ZFYVE9: variants seen among roughly 807,000 people sequenced by gnomAD.
The protein encoded by ZFYVE9 is zinc finger FYVE domain-containing protein 9.
In ZFYVE9, 43 loss-of-function variants were observed where a neutral mutation model predicts 126.7. The observed-to-expected ratio is 0.34, with a 90% CI of 0.27 to 0.44. ZFYVE9 has a LOEUF of 0.44. Among genes scored for constraint, ZFYVE9 ranks in the 20% least tolerant of loss-of-function variants. The pLI, the probability that ZFYVE9 is intolerant of heterozygous loss-of-function variation, is 1.00. For missense variants in ZFYVE9, 1,476 were observed against 1,697.0 expected (o/e 0.87, Z 2.29); for synonymous variants, 521 against 597.4 (o/e 0.87, Z 1.87).
At chr1:52,206,483 T>C (rs191798557) in intron 1 of ZFYVE9, among the ~76,000 whole-genome samples, 203 of 152,350 alleles carry the variant, frequency 1.3e-3, no homozygotes, top group Non-Finnish European at 2.3e-3. Context: ...TATACCACTT[T>C]AGTTTCTCCA....
chr1:52,255,942 T>C, intron 4 of ZFYVE9, among the ~76,000 whole-genome samples: 1 of 125,548 alleles, frequency 8.0e-6, no homozygotes, highest in African/African-American at 4.1e-5. Flanking sequence ...TCTTTTCTTT[T>C]CTTTTCTTTT....
At chr1:52,228,993 G>T (rs1022863674) in intron 2 of ZFYVE9, among the ~76,000 whole-genome samples, 2 of 151,618 alleles carry the variant, frequency 1.3e-5, no homozygotes, top group African/African-American at 2.4e-5. Context: ...GGGCTTAAGC[G>T]ATTCTCCTAC....
chr1:52,284,515 G>T (rs1645835426), intron 10 of ZFYVE9, among the ~76,000 whole-genome samples: 1 of 151,952 alleles, frequency 6.6e-6, no homozygotes, highest in African/African-American at 2.4e-5. Flanking sequence ...CACCTCCCAG[G>T]TTCACGCCAT....
chr1:52,276,434 T>C (rs943230762), intron 8 of ZFYVE9, among the ~76,000 whole-genome samples: 1 of 152,248 alleles, frequency 6.6e-6, no homozygotes, highest in East Asian at 1.9e-4. Context: ...CGTTCCATTC[T>C]AGCTGTGTGA....
At chr1:52,344,688 G>A in intron 17 of ZFYVE9, 80 bp from the exon 18 acceptor site, 2 of 1,411,740 alleles carry the variant, frequency 1.4e-6, no homozygotes, top group South Asian at 1.3e-5. Context: ...GGAGAATCAG[G>A]GTGCTCATAT....
intron 13 of ZFYVE9, among the ~76,000 whole-genome samples, chr1:52,305,622 T>C (rs992505675): frequency 6.6e-6 from 1 of 151,788 alleles, no homozygotes; most frequent in South Asian, 2.1e-4. Flanking sequence ...CCCTTCCGAG[T>C]TGGTGGGGTG....
intron 2 of ZFYVE9, among the ~76,000 whole-genome samples, chr1:52,224,119 G>C (rs187100606): frequency 7.9e-5 from 12 of 152,190 alleles, no homozygotes; most frequent in Non-Finnish European, 1.3e-4. Flanking sequence ...AGGGAAAAAG[G>C]GTTGGGGTAG....
intron 13 of ZFYVE9, among the ~76,000 whole-genome samples, chr1:52,306,106 G>C (rs1026354756): frequency 3.9e-5 from 6 of 152,168 alleles, no homozygotes; most frequent in East Asian, 1.9e-4. Context: ...TGAAGGCTGG[G>C]GGGCCAGGCC....
At chr1:52,285,757 G>A (rs747384345) in intron 10 of ZFYVE9, among the ~76,000 whole-genome samples, 3 of 152,052 alleles carry the variant, frequency 2.0e-5, no homozygotes, top group Admixed American at 6.6e-5. Flanking sequence ...AATTTAATGC[G>A]CTTGAATCAT....
chr1:52,315,937 A>G (rs759587570), intron 13 of ZFYVE9, among the ~76,000 whole-genome samples: 63 of 151,968 alleles, frequency 4.1e-4, no homozygotes, highest in Non-Finnish European at 8.4e-4. Context: ...AGGCCGAGGC[A>G]GGCAGATCAC....
Position 52,332,870 on chromosome 1 carries a change from G to A in ZFYVE9, c.3541G>A (p.Gly1181Arg). 1.2e-6 allele frequency: 2 copies of A among 1,614,116 alleles called. No homozygotes were observed. Among genetic ancestry groups the A allele is most frequent in the Non-Finnish European group, 1.7e-6 (2 of 1,180,018 alleles). ...TCTTGTGTGTGTACAGAATGATGAT[G>A]GAAACTATCAGACCCAGGCTATCAG... The part of the protein sequence containing the change: ...SHLVCVQNDD[G>R]NYQTQAISIH... Residue 1181 changes from glycine to arginine, a missense_variant, in exon 14 of 19, where the codon GGA becomes AGA. Physicochemically the swap from Gly to Arg is moderately radical, Grantham distance 125 (BLOSUM62 -2). This residue lies in a region of ZFYVE9 where 669 missense variants were observed against 902.4 expected (regional missense o/e 0.74). Transcript: ENST00000287727.
intron 16 of ZFYVE9, 142 bp downstream of exon 16, chr1:52,338,076 T>C: frequency 8.8e-7 from 1 of 1,132,180 alleles, no homozygotes; most frequent in Non-Finnish European, 1.2e-6. Context: ...TAACGTAGAA[T>C]TTTAAATTTC....
chr1:52,303,778 A>T, intron 12 of ZFYVE9, 43 bp from the exon 13 acceptor site: 1 of 1,269,396 alleles, frequency 7.9e-7, no homozygotes, highest in Non-Finnish European at 1.1e-6. Flanking sequence ...AAACCCTACC[A>T]TTGATGAATT....
At chr1:52,184,593 G>C (rs1021728276) in intron 1 of ZFYVE9, among the ~76,000 whole-genome samples, 49 of 147,600 alleles carry the variant, frequency 3.3e-4, no homozygotes, top group African/African-American at 1.1e-3. Context: ...GGTGGCGGGT[G>C]GTGGGGAGCG....
chr1:52,217,950 A>AT (rs1645087226), intron 2 of ZFYVE9, among the ~76,000 whole-genome samples: 1 of 152,166 alleles, frequency 6.6e-6, no homozygotes, highest in Non-Finnish European at 1.5e-5. Flanking sequence ...CTCTGGTATA[A>AT]TTGATGAATT....
chr1:52,272,197 A>G (rs974781295), intron 7 of ZFYVE9, among the ~76,000 whole-genome samples: 4 of 152,262 alleles, frequency 2.6e-5, no homozygotes, highest in African/African-American at 7.2e-5. Context: ...AGCAAAATGC[A>G]TGACTAAGGA....
chr1:52,251,664 T>C (rs961933147), intron 4 of ZFYVE9, among the ~76,000 whole-genome samples: 15 of 152,216 alleles, frequency 9.9e-5, no homozygotes, highest in Non-Finnish European at 2.1e-4. Context: ...AGTTTTCTTA[T>C]AATATGTTTG....
chr1:52,340,733 C>A (rs1322805039), intron 17 of ZFYVE9, among the ~76,000 whole-genome samples: 2 of 151,628 alleles, frequency 1.3e-5, no homozygotes, highest in African/African-American at 2.4e-5. Context: ...AACCCCATAC[C>A]CACTAAAAAT....
chr1:52,194,895 G>A (rs989567690), intron 1 of ZFYVE9, among the ~76,000 whole-genome samples: 2 of 152,112 alleles, frequency 1.3e-5, no homozygotes, highest in Non-Finnish European at 2.9e-5. Flanking sequence ...TATTTAAAAA[G>A]ACAGCAAGTC....
Sources: gnomAD v4.1 joint callset for allele counts (sites outside exome capture counted in the v4.1 genomes callset) on GRCh38, gnomAD v4.1.1 for gene constraint, gnomAD v4.1.1 regional missense constraint, MANE v1.5 for transcripts, NCBI Gene and HGNC (gene_info 2026-07-23, HGNC 2026-07-21) for gene names.